The following EEPD1 variants were observed in gnomAD, a reference collection of about 807,000 sequenced individuals.
EEPD1 encodes the protein endonuclease/exonuclease/phosphatase family domain-containing protein 1.
A neutral mutation model predicts 46.3 loss-of-function variants in EEPD1; 17 were observed. The observed-to-expected ratio is 0.37, with a 90% CI of 0.25 to 0.55. The LOEUF (loss-of-function observed/expected upper bound fraction) is 0.55, where lower values mean the gene tolerates loss of function less well. Ranked by LOEUF, EEPD1 falls within the 20% of genes least tolerant of loss-of-function variation. EEPD1 has a pLI of 0.83. For synonymous variants in EEPD1, 313 were observed against 315.6 expected, an observed-to-expected ratio of 0.99 and a Z score of 0.09; for missense variants, 673 against 745.6, an observed-to-expected ratio of 0.90 and a Z score of 1.13.
chr7:36,183,182 A>C (rs534340390), intron 2 of EEPD1, among the ~76,000 whole-genome samples: 1 of 152,266 alleles, frequency 6.6e-6, no homozygotes, highest in South Asian at 2.1e-4. Context: ...AGTGTTCCTG[A>C]GTGTCTTTGC....
At chr7:36,160,023 A>G (rs1027241045) in intron 2 of EEPD1, among the ~76,000 whole-genome samples, 1 of 152,220 alleles carries the variant, frequency 6.6e-6, no homozygotes, top group African/African-American at 2.4e-5. Flanking sequence ...CTAAAGGGAA[A>G]GGTGTGACTT....
Position 36,285,380 on chromosome 7 carries a change from G to A in EEPD1, c.1176+560G>A, listed in dbSNP as rs189078633. On this transcript the variant is annotated intron_variant, in intron 5 of 7. Coordinates refer to ENST00000242108, the MANE Select transcript of EEPD1 (RefSeq NM_030636.3). ...CCTCTCAAGGGGTGGTTTGGGTTTG[G>A]AGGGGATTCAGGAGGAGCTCTGGGC... Among the ~76,000 whole-genome samples, 1,360 of 152,242 alleles carry A rather than the reference G, an allele frequency of 8.9e-3. 14 individuals are homozygous for A. The highest frequency in any genetic ancestry group is 0.014 in the Non-Finnish European group (974 of 67,994).
At chr7:36,284,663 C>T (rs1305004391) in intron 4 of EEPD1, 23 bp from the exon 5 acceptor site, 2 of 1,604,634 alleles carry the variant, frequency 1.2e-6, no homozygotes, top group East Asian at 2.3e-5. Context: ...GGCACCAAGA[C>T]TCTGTCTCCC....
Position 36,299,148 on chromosome 7 carries a change from G to A in EEPD1, c.1652G>A (p.Arg551Gln), listed in dbSNP as rs573540571. ...GACTGGAGCAAGAAGGATGCCCCTC[G>A]GAACGGCAGCGGGGTGGCCTTGGAG... ...EKDWSKKDAP[R>Q]NGSGVALERS... Residue 551 changes from arginine (R) to glutamine (Q), a missense_variant, in exon 8 of 8, where the codon CGG becomes CAG. Transcript: ENST00000242108. The A allele has an allele frequency of 1.2e-5, 20 of 1,611,748 alleles. No individual in the cohort carries two copies. The East Asian group carries it at 1.3e-4, about 11-fold the overall frequency.
chr7:36,187,440 C>G (rs1213694369), intron 2 of EEPD1, among the ~76,000 whole-genome samples: 1 of 152,196 alleles, frequency 6.6e-6, no homozygotes, highest in Non-Finnish European at 1.5e-5. Flanking sequence ...CACCATCCTA[C>G]TTTCTGTCTC....
chr7:36,176,063 A>G (rs1785172554), intron 2 of EEPD1, among the ~76,000 whole-genome samples: 1 of 152,058 alleles, frequency 6.6e-6, no homozygotes, highest in East Asian at 1.9e-4. Flanking sequence ...AGGCCCAGGG[A>G]ACCCTCGCCC....
At chr7:36,221,009 A>G (rs572890384) in intron 2 of EEPD1, among the ~76,000 whole-genome samples, 1 of 152,120 alleles carries the variant, frequency 6.6e-6, no homozygotes, top group South Asian at 2.1e-4. Context: ...GGGTTTCACC[A>G]TGTTGGTCAA....
chr7:36,166,661 C>T (rs184512095), intron 2 of EEPD1, among the ~76,000 whole-genome samples: 209 of 152,256 alleles, frequency 1.4e-3, no homozygotes, highest in Non-Finnish European at 2.0e-3. Flanking sequence ...TCACCCATAA[C>T]CCCTAATTTC....
intron 3 of EEPD1, among the ~76,000 whole-genome samples, chr7:36,280,110 A>G (rs1389413970): frequency 6.6e-6 from 1 of 152,168 alleles, no homozygotes; most frequent in Non-Finnish European, 1.5e-5. Context: ...CACTGGGTGG[A>G]GGAAGGAATA....
chr7:36,236,471 T>A (rs1187077476), intron 2 of EEPD1, among the ~76,000 whole-genome samples: 1 of 152,174 alleles, frequency 6.6e-6, no homozygotes, highest in Non-Finnish European at 1.5e-5. Flanking sequence ...CCGGTCTCCG[T>A]CTCTTTCTCG....
rs1320593571 is a variant in EEPD1 at position 36,154,972 on chromosome 7, G to A, written c.648G>A (p.Lys216=). The A allele has an allele frequency of 3.1e-6, 5 of 1,613,708 alleles. No individual in the cohort carries two copies. Among genetic ancestry groups the A allele is most frequent in the Non-Finnish European group, 4.2e-6 (5 of 1,179,936 alleles). The change falls in exon 2 of 8, where the codon AAG becomes AAA. Residue 216 remains lysine, a synonymous_variant. Transcript: ENST00000242108. The surrounding 1 kb of genome is among the most constrained non-coding windows in gnomAD (Gnocchi z 4.2). The stretch of plus-strand genomic sequence containing the variant: ...ACGGGGGACTGACCTTCACCGCCAA[G>A]CCTCACCCGAGCCCCACTTCCCTGA... ...HTNGGLTFTA[K]PHPSPTSLSL...
intron 3 of EEPD1, among the ~76,000 whole-genome samples, chr7:36,240,111 A>G (rs1430622695): frequency 3.3e-5 from 5 of 152,088 alleles, no homozygotes; most frequent in Non-Finnish European, 5.9e-5. Flanking sequence ...TCTTCAGAAA[A>G]TCAAGAAATT....
intron 2 of EEPD1, among the ~76,000 whole-genome samples, chr7:36,170,569 T>C (rs766117145): frequency 2.2e-3 from 67 of 30,752 alleles, no homozygotes; most frequent in Non-Finnish European, 4.7e-3. Flanking sequence ...AAAGTGTCTT[T>C]TTTTTTTTTT....
chr7:36,257,170 G>A (rs1322681165), intron 3 of EEPD1, among the ~76,000 whole-genome samples: 1 of 152,124 alleles, frequency 6.6e-6, no homozygotes, highest in Non-Finnish European at 1.5e-5. Flanking sequence ...ATGGCTTGTA[G>A]GGTTTCTGCA....
At chr7:36,166,376 G>A (rs965066078) in intron 2 of EEPD1, among the ~76,000 whole-genome samples, 2 of 152,148 alleles carry the variant, frequency 1.3e-5, no homozygotes, top group Non-Finnish European at 2.9e-5. Flanking sequence ...AAAAGCATTT[G>A]AAATTACAAA....
intron 5 of EEPD1, among the ~76,000 whole-genome samples, chr7:36,285,535 T>C (rs1562712803): frequency 2.0e-5 from 3 of 152,060 alleles, no homozygotes; most frequent in Non-Finnish European, 4.4e-5. Flanking sequence ...CCTTGGGAAG[T>C]GTTAATGAAC....
intron 3 of EEPD1, among the ~76,000 whole-genome samples, chr7:36,268,026 A>G (rs1787049712): frequency 6.6e-6 from 1 of 152,246 alleles, no homozygotes; most frequent in Non-Finnish European, 1.5e-5. Context: ...TCCAGCTTCC[A>G]GAACTGTGAG....
At chr7:36,220,203 C>T (rs904277581) in intron 2 of EEPD1, among the ~76,000 whole-genome samples, 2 of 152,092 alleles carry the variant, frequency 1.3e-5, no homozygotes, top group Admixed American at 6.5e-5. Flanking sequence ...GGAAGAAGGG[C>T]GGTAAAAATG....
chr7:36,265,082 G>T (rs17208592), intron 3 of EEPD1, among the ~76,000 whole-genome samples: 1 of 152,076 alleles, frequency 6.6e-6, no homozygotes, highest in African/African-American at 2.4e-5. Context: ...TATTGCCACC[G>T]CAGAGCAGAG....
Sources: gnomAD v4.1 joint callset for allele counts (sites outside exome capture counted in the v4.1 genomes callset) on GRCh38, gnomAD v4.1.1 for gene constraint, Gnocchi (gnomAD v3.1) non-coding constraint, MANE v1.5 for transcripts, NCBI Gene and HGNC (gene_info 2026-07-23, HGNC 2026-07-21) for gene names.